The following SPTY2D1 variants were observed in gnomAD, a reference collection of about 807,000 sequenced individuals.
SPTY2D1 encodes the protein protein SPT2 homolog.
Under a neutral mutation model 64.0 loss-of-function variants are expected in SPTY2D1, and 21 were observed. The ratio of observed to expected loss-of-function variants is 0.33; its 90% CI spans 0.23 to 0.47. The LOEUF (loss-of-function observed/expected upper bound fraction) is 0.47, where lower values mean the gene tolerates loss of function less well. Ranked by LOEUF, SPTY2D1 falls within the 20% of genes least tolerant of loss-of-function variation. The pLI is 1.00. For missense variants in SPTY2D1, 724 were observed against 837.2 expected, an observed-to-expected ratio of 0.86 and a Z score of 1.67; for synonymous variants, 287 against 286.8, an observed-to-expected ratio of 1.00 and a Z score of -0.01.
At chr11:18,614,095 G>A (rs906744893) in intron 3 of SPTY2D1, among the ~76,000 whole-genome samples, 9 of 152,082 alleles carry the variant, frequency 5.9e-5, no homozygotes, top group African/African-American at 2.2e-4. Context: ...AGAGATCCTA[G>A]ACAAGTCTCT....
intron 3 of SPTY2D1, among the ~76,000 whole-genome samples, chr11:18,613,546 T>C (rs553299600): frequency 6.6e-6 from 1 of 152,316 alleles, no homozygotes; most frequent in African/African-American, 2.4e-5. Flanking sequence ...ATTCAGTAGA[T>C]GCCAGTGGCA....
chr11:18,621,389 G>A lies in SPTY2D1; in HGVS notation c.61-4400C>T, dbSNP rs77498500. On this transcript the variant is annotated intron_variant, in intron 1 of 5. Transcript: ENST00000336349. Reference sequence around the variant, plus strand: ...AGAAAAGAAAAGAAACACTGACTTAGGGAACAAAAATACAGGAAAGGCATA... The same window carrying A: ...AGAAAAGAAAAGAAACACTGACTTAAGGAACAAAAATACAGGAAAGGCATA... Among the ~76,000 whole-genome samples the A allele has an allele frequency of 8.2e-3, 1,109 of 134,562 alleles. 10 individuals are homozygous for A. The highest frequency in any genetic ancestry group is 0.03 in the African/African-American group (1,058 of 35,478). 88.3% of individuals were successfully genotyped at this position (134,562 alleles called of 152,430 possible). A position where few individuals can be genotyped will look rare whatever the true frequency, so the allele number is the denominator to read the frequency against.
intron 1 of SPTY2D1, among the ~76,000 whole-genome samples, chr11:18,621,426 G>A (rs1854403058): frequency 6.6e-6 from 1 of 151,796 alleles, no homozygotes; most frequent in Non-Finnish European, 1.5e-5. Flanking sequence ...AAACAAGGAA[G>A]GTGGTGTTCA....
At position 18,616,972 on chromosome 11, in the gene SPTY2D1, T is replaced by C. The variant is rs770544175; in HGVS notation, c.78A>G (p.Ala26=). The change falls in exon 2 of 6, where the codon GCA becomes GCG. Residue 26 remains alanine, a synonymous_variant. Transcript: ENST00000336349. ...VNNVPKRYSL[A]VGPPKKDPKV... The stretch of plus-strand genomic sequence containing the variant: ...TTGGGTCTTTTTTTGGAGGCCCCAC[T>C]GCCAAACTATACCTTTTCTAAAAAC... The C allele has an allele frequency of 1.9e-6, 3 of 1,614,170 alleles. No individual in the cohort carries two copies. Among genetic ancestry groups the C allele is most frequent in the Admixed American group, 1.7e-5 (1 of 60,024 alleles).
chr11:18,619,259 T>TCACTC (rs767337832), intron 1 of SPTY2D1, among the ~76,000 whole-genome samples: 2 of 151,958 alleles, frequency 1.3e-5, no homozygotes, highest in Non-Finnish European at 2.9e-5. Context: ...AGGCACACAC[T>TCACTC]CACTCCACTC....
rs1446631029 is a variant in SPTY2D1 at position 18,608,499 on chromosome 11, G to A, written c.*1362C>T. The A allele has an allele frequency of 2.0e-5, 3 of 152,178 alleles. No individual in the cohort carries two copies. Among genetic ancestry groups the A allele is most frequent in the Admixed American group, 6.5e-5 (1 of 15,282 alleles). The allele number at this position is 152,178 out of a possible 1,614,324, so 9.4% of individuals were successfully genotyped here. A position where few individuals can be genotyped will look rare whatever the true frequency, so the allele number is the denominator to read the frequency against. On this transcript the variant is annotated 3_prime_UTR_variant, in exon 6 of 6. Transcript: ENST00000336349. ...GCTTAAGATAGCCAAAACGTTTATT[G>A]TAGAACGTTTATTATTCCTACAAGC...
chr11:18,624,708 T>C (rs1459810817), intron 1 of SPTY2D1, among the ~76,000 whole-genome samples: 1 of 152,174 alleles, frequency 6.6e-6, no homozygotes, highest in Non-Finnish European at 1.5e-5. Context: ...GAATCGATAG[T>C]CAATCCCTGG....
chr11:18,631,930 TG>T (rs1854594842), intron 1 of SPTY2D1, among the ~76,000 whole-genome samples: 2 of 152,074 alleles, frequency 1.3e-5, no homozygotes, highest in African/African-American at 4.8e-5. Context: ...GCGAATGACT[TG>T]AGGAAGGAGT....
In SPTY2D1 at chr11:18,609,719, C is replaced by A; in HGVS notation, c.*142G>T. The stretch of plus-strand genomic sequence containing the variant: ...CTGAAAATATTTTATGCTCAAATGA[C>A]AGCCTGCAAATGACAGTATGCATTC... On this transcript the variant is annotated 3_prime_UTR_variant, in exon 6 of 6. Coordinates refer to ENST00000336349, the MANE Select transcript of SPTY2D1 (RefSeq NM_194285.3). 1.5e-6 allele frequency: 1 copy of A among 679,158 alleles called. No individual in the cohort carries two copies. The highest frequency in any genetic ancestry group is 2.5e-6 in the Non-Finnish European group (1 of 396,594). 42.1% of individuals were successfully genotyped at this position (679,158 alleles called of 1,614,324 possible). A position where few individuals can be genotyped will look rare whatever the true frequency, so the allele number is the denominator to read the frequency against.
intron 4 of SPTY2D1, among the ~76,000 whole-genome samples, chr11:18,611,968 CAGTTG>C (rs1364910291): frequency 3.9e-5 from 6 of 152,142 alleles, no homozygotes; most frequent in Non-Finnish European, 8.8e-5. Context: ...GAAACTGAAG[CAGTTG>C]AGTTAACAGA....
Position 18,622,214 on chromosome 11 carries a change from G to T in SPTY2D1, c.61-5225C>A, listed in dbSNP as rs1253796204. Among the ~76,000 whole-genome samples the T allele has an allele frequency of 1.3e-5, 2 of 151,306 alleles. 1 individual carries two copies. Among genetic ancestry groups the T allele is most frequent in the Non-Finnish European group, 2.9e-5 (2 of 67,970 alleles). The stretch of plus-strand genomic sequence containing the variant: ...CTAAAAAAAAGACTGGGTCACTCGA[G>T]ATCATCTTTATATTTTTGGAAATAT... On this transcript the variant is annotated intron_variant, in intron 1 of 5. Transcript: ENST00000336349.
In SPTY2D1 at chr11:18,607,295, A is replaced by G. The variant is rs964778051; in HGVS notation, c.*2566T>C. 2 of 152,886 alleles carry G rather than the reference A, an allele frequency of 1.3e-5. No individual in the cohort carries two copies. The highest frequency in any genetic ancestry group is 6.5e-5 in the Admixed American group (1 of 15,282). 9.5% of individuals were successfully genotyped at this position (152,886 alleles called of 1,614,324 possible). On this transcript the variant is annotated 3_prime_UTR_variant, in exon 6 of 6. Transcript: ENST00000336349. ...GTTTAGCGAAAATACAAAGTTCTGAAAGTAGCCTTAAAAGAAGTGCCCTTT... is the reference window on the plus strand; with the variant it reads ...GTTTAGCGAAAATACAAAGTTCTGAGAGTAGCCTTAAAAGAAGTGCCCTTT...
intron 1 of SPTY2D1, among the ~76,000 whole-genome samples, chr11:18,633,361 A>C (rs558568907): frequency 2.0e-5 from 3 of 152,332 alleles, no homozygotes; most frequent in African/African-American, 7.2e-5. Flanking sequence ...CATGCAACTT[A>C]TCGGTTTACA....
chr11:18,609,682 C>G lies in SPTY2D1; in HGVS notation c.*179G>C. 3.3e-6 allele frequency: 2 copies of G among 612,750 alleles called. No individual in the cohort carries two copies. Among genetic ancestry groups the G allele is most frequent in the Non-Finnish European group, 5.7e-6 (2 of 349,418 alleles). The allele number at this position is 612,750 out of a possible 1,614,324, so 38.0% of individuals were successfully genotyped here. A position where few individuals can be genotyped will look rare whatever the true frequency, so the allele number is the denominator to read the frequency against. On this transcript the variant is annotated 3_prime_UTR_variant, in exon 6 of 6. Transcript: ENST00000336349. The stretch of plus-strand genomic sequence containing the variant: ...ATATCATCTGCATTACAGATTTCAC[C>G]CTGGAAAATATCTGAAAATATTTTA...
At chr11:18,626,283 T>C (rs1854496449) in intron 1 of SPTY2D1, among the ~76,000 whole-genome samples, 1 of 152,234 alleles carries the variant, frequency 6.6e-6, no homozygotes, top group South Asian at 2.1e-4. Flanking sequence ...TCTACTTCTG[T>C]TAACCATGCT....
rs767302116 is a variant in SPTY2D1 at position 18,614,675 on chromosome 11, A to T, written c.1599T>A (p.Pro533=). 1.9e-6 allele frequency: 3 copies of T among 1,614,130 alleles called. No homozygotes were observed. The highest frequency in any genetic ancestry group is 2.5e-6 in the Non-Finnish European group (3 of 1,180,054). The part of the protein sequence containing the change: ...TVSSSGPTIK[P]KCTVVSETIS... The stretch of plus-strand genomic sequence containing the variant: ...TTGTTTCGGAGACAACAGTGCACTT[A>T]GGCTTTATAGTGGGACCTGAGCTAC... Residue 533 remains proline, a synonymous_variant, in exon 3 of 6, where the codon CCT becomes CCA. Transcript: ENST00000336349.
intron 1 of SPTY2D1, among the ~76,000 whole-genome samples, chr11:18,631,728 G>T (rs764438567): frequency 6.6e-6 from 1 of 151,914 alleles, no homozygotes; most frequent in Non-Finnish European, 1.5e-5. Context: ...TGCTAAATAC[G>T]GGGTTTGGGT....
At chr11:18,624,595 T>A (rs1307923912) in intron 1 of SPTY2D1, among the ~76,000 whole-genome samples, 1 of 152,232 alleles carries the variant, frequency 6.6e-6, no homozygotes, top group Non-Finnish European at 1.5e-5. Context: ...CTTTAAAACA[T>A]ATCTGTTCCT....
chr11:18,630,452 T>G (rs1343470544), intron 1 of SPTY2D1, among the ~76,000 whole-genome samples: 1 of 152,068 alleles, frequency 6.6e-6, no homozygotes, highest in Non-Finnish European at 1.5e-5. Flanking sequence ...TCCAGCCTGG[T>G]GACAGAACGA....
Sources: allele counts gnomAD v4.1 joint callset (sites outside exome capture counted in the v4.1 genomes callset), GRCh38; gene constraint gnomAD v4.1.1; transcripts MANE v1.5; gene names NCBI Gene and HGNC (gene_info 2026-07-23, HGNC 2026-07-21).